The following PALB2 variants were observed in gnomAD, a reference collection of about 807,000 sequenced individuals.
PALB2 encodes the protein mutant partner and localizer of BRCA2.
In PALB2, 82 loss-of-function variants were observed where a neutral mutation model predicts 107.4. The observed-to-expected ratio is 0.76, with a 90% CI of 0.64 to 0.92. The LOEUF (loss-of-function observed/expected upper bound fraction) is 0.92. Ranked by LOEUF, PALB2 falls within the 40% of genes least tolerant of loss-of-function variation. The pLI is 0.00. For synonymous variants in PALB2, 489 were observed against 496.8 expected (o/e 0.98, Z 0.21); for missense variants, 1,374 against 1,379.9 (o/e 1.00, Z 0.07).
chr16:23,616,616 T>G (rs1451534252), intron 10 of PALB2, among the ~76,000 whole-genome samples: 1 of 152,074 alleles, frequency 6.6e-6, no homozygotes, highest in East Asian at 1.9e-4. Flanking sequence ...AGGATTCATA[T>G]CTGATTCATC....
Position 23,603,730 on chromosome 16 carries a change from A to G in PALB2, c.3351-61T>C. On this transcript the variant is annotated intron_variant, in intron 12 of 12. Coordinates refer to ENST00000261584, the MANE Select transcript of PALB2 (RefSeq NM_024675.4). ...ATATCCAAAAAACAATTAAAAAAAAAAAAAAGGTCAAAACCATGTTCCCAA... is the reference window on the plus strand; with the variant it reads ...ATATCCAAAAAACAATTAAAAAAAAGAAAAAGGTCAAAACCATGTTCCCAA... 3 of 1,494,782 alleles carry G rather than the reference A, an allele frequency of 2.0e-6. No homozygotes were observed. In the South Asian group the frequency reaches 3.7e-5, roughly 18 times the overall value. 92.6% of individuals were successfully genotyped at this position (1,494,782 alleles called of 1,614,324 possible).
rs560853558 is a variant in PALB2, at chr16:23,635,534, G to C, written c.1012C>G (p.Pro338Ala). The part of the protein sequence containing the change: ...SLNELTYNNL[P>A]ANENQNLKEQ... ...TTTAAGTTTTGGTTTTCATTTGCTG[G>C]TAAGTTATTGTAGGTGAGTTCATTT... Residue 338 changes from proline to alanine, a missense_variant, in exon 4 of 13, where the codon CCA (proline) becomes GCA (alanine). Coordinates refer to ENST00000261584, the MANE Select transcript of PALB2 (RefSeq NM_024675.4). The C allele has an allele frequency of 1.2e-6, 2 of 1,613,452 alleles. No individual in the cohort carries two copies. Among genetic ancestry groups the C allele is most frequent in the South Asian group, 1.1e-5 (1 of 91,012 alleles).
intron 11 of PALB2, among the ~76,000 whole-genome samples, chr16:23,608,801 T>TATATATACACAC (rs560756242): frequency 2.0e-4 from 29 of 143,806 alleles, no homozygotes; most frequent in South Asian, 1.1e-3. Flanking sequence ...TGTATATATA[T>TATATATACACAC]ACACACACAC....
rs762367769 is a variant in PALB2, at chr16:23,607,986, A to T, written c.3228T>A (p.His1076Gln). Residue 1076 changes from histidine to glutamine, a missense_variant, in exon 12 of 13, where the codon CAT becomes CAA. His to Gln is a conservative substitution (Grantham distance 24). Coordinates refer to ENST00000261584, the MANE Select transcript of PALB2 (RefSeq NM_024675.4). ...ACGACTCACTCTCTTTGGCACAGGG[A>T]TGACTCAGGACAATAAAGAGAAGCC... The part of the protein sequence containing the change: ...EMGLLFIVLS[H>Q]PCAKESESLR... 1 of 1,614,096 alleles carries T rather than the reference A, an allele frequency of 6.2e-7. No homozygotes were observed. The highest frequency in any genetic ancestry group is 8.5e-7 in the Non-Finnish European group (1 of 1,179,956).
At chr16:23,608,913 C>T (rs1416116331) in intron 11 of PALB2, among the ~76,000 whole-genome samples, 1 of 151,582 alleles carries the variant, frequency 6.6e-6, no homozygotes, top group Non-Finnish European at 1.5e-5. Flanking sequence ...CTGCAACCTC[C>T]GCCTCCCAGG....
intron 12 of PALB2, among the ~76,000 whole-genome samples, chr16:23,606,672 C>A (rs1415029197): frequency 6.6e-6 from 1 of 151,654 alleles, no homozygotes; most frequent in African/African-American, 2.4e-5. Context: ...ATTACAGGCA[C>A]GCACTACCAT....
At chr16:23,627,653 T>C (rs549581304) in intron 6 of PALB2, among the ~76,000 whole-genome samples, 8 of 152,214 alleles carry the variant, frequency 5.3e-5, no homozygotes, top group African/African-American at 1.9e-4. Context: ...TTATCCTGTT[T>C]ATTATAAAAA....
intron 11 of PALB2, among the ~76,000 whole-genome samples, chr16:23,609,753 T>C (rs1966550695): frequency 6.6e-6 from 1 of 152,176 alleles, no homozygotes; most frequent in Non-Finnish European, 1.5e-5. Context: ...CCTGACCTCA[T>C]GATCCGCCCG....
intron 7 of PALB2, among the ~76,000 whole-genome samples, chr16:23,625,538 T>C (rs1282364262): frequency 6.6e-6 from 1 of 151,674 alleles, no homozygotes; most frequent in Non-Finnish European, 1.5e-5. Context: ...CTCACACCTG[T>C]AATCCCAGCA....
At chr16:23,608,584 T>C (rs570504386) in intron 11 of PALB2, among the ~76,000 whole-genome samples, 29 of 152,242 alleles carry the variant, frequency 1.9e-4, no homozygotes, top group Non-Finnish European at 3.7e-4. Context: ...AGAACATGTT[T>C]TCCCATAAAA....
chr16:23,633,680 C>T (rs536321888), intron 4 of PALB2, among the ~76,000 whole-genome samples: 2 of 152,236 alleles, frequency 1.3e-5, no homozygotes, highest in Admixed American at 6.5e-5. Context: ...ATGATGACTT[C>T]TAAAAGAGAT....
rs1444711587 is a variant in PALB2 at position 23,623,499 on chromosome 16, G to A, written c.2835-369C>T. Among the ~76,000 whole-genome samples, 66 of 121,184 alleles carry A rather than the reference G, an allele frequency of 5.4e-4. 1 individual carries two copies. Among genetic ancestry groups the A allele is most frequent in the African/African-American group, 2.2e-3 (64 of 29,106 alleles). 79.5% of individuals were successfully genotyped at this position (121,184 alleles called of 152,430 possible). On this transcript the variant is annotated intron_variant, in intron 8 of 12. Transcript: ENST00000261584. ...TTACAGGTGTGAGCCACCATACCCG[G>A]CCTTTTTTTTTTTTTTTTTTTTTTT...
chr16:23,629,939 G>C lies in PALB2; in HGVS notation c.2215C>G (p.Pro739Ala), dbSNP rs2142378149. The change falls in exon 5 of 13, where the codon CCT (proline) becomes GCT (alanine). Residue 739 changes from proline (P) to alanine (A), a missense_variant. Physicochemically the swap from Pro to Ala is conservative, Grantham distance 27 (BLOSUM62 -1). Coordinates refer to ENST00000261584, the MANE Select transcript of PALB2 (RefSeq NM_024675.4). ...GATGCTTTTTCATAGGAGCCTTGAG[G>C]GCCAAAGGCTGGAGTAGTACCTAAG... ...PILGTTPAFG[P>A]QGSYEKASTE... The C allele has an allele frequency of 6.2e-7, 1 of 1,614,180 alleles. No homozygotes were observed.
At chr16:23,622,434 G>T (rs1227147047) in intron 9 of PALB2, among the ~76,000 whole-genome samples, 3 of 152,012 alleles carry the variant, frequency 2.0e-5, no homozygotes, top group Non-Finnish European at 2.9e-5. Context: ...TCGCTCTGCT[G>T]CCCAAGATGG....
At chr16:23,608,801 T>TATATACACACACACACACACAC (rs560756242) in intron 11 of PALB2, among the ~76,000 whole-genome samples, 10 of 143,760 alleles carry the variant, frequency 7.0e-5, no homozygotes, top group African/African-American at 2.6e-4. Flanking sequence ...TGTATATATA[T>TATATACACACACACACACACAC]ACACACACAC....
At chr16:23,627,982 G>A (rs1478008361) in intron 6 of PALB2, among the ~76,000 whole-genome samples, 1 of 152,252 alleles carries the variant, frequency 6.6e-6, no homozygotes, top group Non-Finnish European at 1.5e-5. Flanking sequence ...CCAGCACTTT[G>A]GGAGGCCAAG....
rs730881889 is a variant in PALB2 at position 23,629,801 on chromosome 16, G to A, written c.2353C>T (p.Pro785Ser). Residue 785 changes from proline (P) to serine (S), a missense_variant, in exon 5 of 13, where the codon CCA becomes TCA. Pro to Ser is a moderately conservative substitution (Grantham distance 74, BLOSUM62 -1). Transcript: ENST00000261584. ...QFDSSGSPAK[P>S]HTTLQVSGRQ... The stretch of plus-strand genomic sequence containing the variant: ...CCTGACACTTGCAGGGTGGTATGTG[G>A]TTTTGCTGGGCTGCCTGAACTGTCG... The A allele has an allele frequency of 1.2e-6, 2 of 1,614,188 alleles. No homozygotes were observed. Among genetic ancestry groups the A allele is most frequent in the Non-Finnish European group, 1.7e-6 (2 of 1,180,034 alleles).
At chr16:23,634,800 G>A (rs993373942) in intron 4 of PALB2, 62 bp downstream of exon 4, 2 of 1,555,156 alleles carry the variant, frequency 1.3e-6, no homozygotes, top group African/African-American at 1.4e-5. Context: ...GAAGTGCCAG[G>A]CAAATAGTAA....
chr16:23,608,422 G>T (rs528110092), intron 11 of PALB2, among the ~76,000 whole-genome samples: 1 of 152,254 alleles, frequency 6.6e-6, no homozygotes, highest in South Asian at 2.1e-4. Flanking sequence ...TGCCAGGCAT[G>T]AATCTGATTC....
Sources: allele counts gnomAD v4.1 joint callset (sites outside exome capture counted in the v4.1 genomes callset), GRCh38; gene constraint gnomAD v4.1.1; transcripts MANE v1.5; gene names NCBI Gene and HGNC (gene_info 2026-07-23, HGNC 2026-07-21).